APAF1: variants seen among roughly 807,000 people sequenced by gnomAD.
APAF1 encodes the protein apoptotic peptidase activating factor 1, also known as apoptotic protease-activating factor 1.
APAF1 carries 91 observed loss-of-function variants against 152.4 expected under a neutral mutation model. The ratio of observed to expected loss-of-function variants is 0.60; its 90% CI spans 0.50 to 0.71. The LOEUF (loss-of-function observed/expected upper bound fraction) is 0.71, where lower values mean the gene tolerates loss of function less well. Among genes scored for constraint, APAF1 ranks in the 30% least tolerant of loss-of-function variants. The probability of loss-of-function intolerance (pLI) is 0.00; values close to 1 mark genes in which losing one functional copy is unlikely to be tolerated. For synonymous variants in APAF1, 484 were observed against 494.1 expected, an observed-to-expected ratio of 0.98 and a Z score of 0.27; for missense variants, 1,283 against 1,472.0, an observed-to-expected ratio of 0.87 and a Z score of 2.10.
intron 20 of APAF1, among the ~76,000 whole-genome samples, chr12:98,710,186 T>TTG (rs1565888113): frequency 6.6e-6 from 1 of 151,232 alleles, no homozygotes; most frequent in Non-Finnish European, 1.5e-5. Flanking sequence ...AGGGTTTTTT[T>TTG]TTTTTTTTTT....
chr12:98,718,310 G>A (rs1167976348), intron 22 of APAF1, among the ~76,000 whole-genome samples: 1 of 151,850 alleles, frequency 6.6e-6, no homozygotes, highest in Non-Finnish European at 1.5e-5. Context: ...TCGGCTCACT[G>A]AAACCTCCAC....
chr12:98,659,241 G>A lies in APAF1; in HGVS notation c.608G>A (p.Cys203Tyr). 6.2e-7 allele frequency: 1 copy of A among 1,614,170 alleles called. No individual in the cohort carries two copies. Among genetic ancestry groups the A allele is most frequent in the East Asian group, 2.2e-5 (1 of 44,880 alleles). The change falls in exon 5 of 27, where the codon TGC (cysteine) becomes TAC (tyrosine). Residue 203 changes from cysteine to tyrosine, a missense_variant. Transcript: ENST00000551964. ...SGLLMKLQNL[C>Y]TRLDQDESFS... Reference sequence around the variant, plus strand: ...CTTCTGATGAAACTGCAGAATCTTTGCACACGGTTGGATCAGGATGAGAGT... The same window carrying A: ...CTTCTGATGAAACTGCAGAATCTTTACACACGGTTGGATCAGGATGAGAGT...
intron 12 of APAF1, 101 bp downstream of exon 12, chr12:98,671,820 C>CA: frequency 8.7e-7 from 1 of 1,146,178 alleles, no homozygotes; most frequent in Non-Finnish European, 1.3e-6. Context: ...TAACTACTTT[C>CA]GAAAGGGCTG....
chr12:98,681,017 C>T (rs552779382), intron 14 of APAF1, among the ~76,000 whole-genome samples: 1 of 152,220 alleles, frequency 6.6e-6, no homozygotes, highest in African/African-American at 2.4e-5. Flanking sequence ...CTAATAATTA[C>T]GTTACTGGTC....
intron 25 of APAF1, among the ~76,000 whole-genome samples, chr12:98,726,176 T>A (rs1027020938): frequency 1.3e-5 from 2 of 152,252 alleles, no homozygotes; most frequent in East Asian, 3.8e-4. Context: ...CAATCTATTT[T>A]TTTTAGATAT....
chr12:98,652,283 C>T (rs891099432), intron 4 of APAF1, among the ~76,000 whole-genome samples: 1 of 152,148 alleles, frequency 6.6e-6, no homozygotes, highest in African/African-American at 2.4e-5. Flanking sequence ...TATACAAATA[C>T]CAAATTTGAT....
At chr12:98,731,024 G>A (rs1316174984) in intron 26 of APAF1, among the ~76,000 whole-genome samples, 1 of 152,222 alleles carries the variant, frequency 6.6e-6, no homozygotes, top group Non-Finnish European at 1.5e-5. Flanking sequence ...GGTGTGCCAT[G>A]ACTTGGTGGC....
intron 21 of APAF1, among the ~76,000 whole-genome samples, chr12:98,715,093 G>T: frequency 6.9e-6 from 1 of 145,010 alleles, no homozygotes. Flanking sequence ...TTTTTTGGAG[G>T]GCAAGCCCAG....
chr12:98,686,464 T>C (rs2097698148), intron 15 of APAF1, among the ~76,000 whole-genome samples: 1 of 152,178 alleles, frequency 6.6e-6, no homozygotes, highest in Non-Finnish European at 1.5e-5. Flanking sequence ...AACCACTCCG[T>C]TGAAATAAGT....
intron 25 of APAF1, 124 bp downstream of exon 25, chr12:98,725,664 T>C: frequency 7.7e-7 from 1 of 1,294,366 alleles, no homozygotes; most frequent in Non-Finnish European, 1.1e-6. Flanking sequence ...GGATGAGGCA[T>C]TCTTTTTGTT....
At chr12:98,659,724 C>G (rs2097662406) in intron 5 of APAF1, among the ~76,000 whole-genome samples, 1 of 140,334 alleles carries the variant, frequency 7.1e-6, no homozygotes, top group Non-Finnish European at 1.5e-5. Flanking sequence ...TGCACTCTAG[C>G]CTGGGCAATA....
At chr12:98,714,579 G>C (rs2097731756) in intron 21 of APAF1, among the ~76,000 whole-genome samples, 1 of 152,182 alleles carries the variant, frequency 6.6e-6, no homozygotes, top group Non-Finnish European at 1.5e-5. Context: ...GTGCTCAACT[G>C]TTATGCTATC....
chr12:98,649,264 A>G (rs1266168776), intron 3 of APAF1: 1 of 966,582 alleles, frequency 1.0e-6, no homozygotes, highest in East Asian at 1.1e-4. Flanking sequence ...ATATAGATAG[A>G]AACTTCCATT....
At chr12:98,693,958 C>T (rs2097707146) in intron 16 of APAF1, among the ~76,000 whole-genome samples, 1 of 151,042 alleles carries the variant, frequency 6.6e-6, no homozygotes, top group Admixed American at 6.6e-5. Flanking sequence ...GCTTGAGTTC[C>T]TTATGAATTC....
At chr12:98,673,442 C>CAAAAAAAAAAAAAAA (rs1162049645) in intron 12 of APAF1, among the ~76,000 whole-genome samples, 1 of 89,256 alleles carries the variant, frequency 1.1e-5, no homozygotes. Context: ...TCTCAAAAAA[C>CAAAAAAAAAAAAAAA]AAAAAAAAAA....
In APAF1 at chr12:98,683,230, C is replaced by T. The variant is rs754439819; in HGVS notation, c.2134C>T (p.His712Tyr). Residue 712 changes from histidine (H) to tyrosine (Y), a missense_variant, in exon 15 of 27, where the codon CAT becomes TAT. Physicochemically the swap from His to Tyr is moderately conservative, Grantham distance 83 (BLOSUM62 2). Coordinates refer to ENST00000551964, the MANE Select transcript of APAF1 (RefSeq NM_181861.2). The stretch of plus-strand genomic sequence containing the variant: ...TTGCTGCCATTTCACCAACAGTAGT[C>T]ATCATCTTCTCTTAGCCACTGGGTC... The part of the protein sequence containing the change: ...VNCCHFTNSS[H>Y]HLLLATGSSD... The T allele has an allele frequency of 5.0e-6, 8 of 1,613,778 alleles. No homozygotes were observed. Among genetic ancestry groups the T allele is most frequent in the African/African-American group, 4.0e-5 (3 of 74,890 alleles).
chr12:98,650,328 CAAAA>C (rs1026036548), intron 4 of APAF1, among the ~76,000 whole-genome samples: 1 of 151,282 alleles, frequency 6.6e-6, no homozygotes, highest in Non-Finnish European at 1.5e-5. Flanking sequence ...ACCAAAAATA[CAAAA>C]AAAATCAGCT....
At chr12:98,727,120 C>T in intron 25 of APAF1, 53 bp from the exon 26 acceptor site, 2 of 1,575,466 alleles carry the variant, frequency 1.3e-6, no homozygotes, top group South Asian at 2.2e-5. Flanking sequence ...GTTTTAAAAC[C>T]AGAGAAGCTT....
intron 4 of APAF1, among the ~76,000 whole-genome samples, chr12:98,654,000 T>A (rs917870486): frequency 6.6e-6 from 1 of 151,978 alleles, no homozygotes; most frequent in African/African-American, 2.4e-5. Flanking sequence ...GTGAAAGTAG[T>A]GTGGAGTTTT....
Sources: allele counts gnomAD v4.1 joint callset (sites outside exome capture counted in the v4.1 genomes callset), GRCh38; gene constraint gnomAD v4.1.1; transcripts MANE v1.5; gene names NCBI Gene and HGNC (gene_info 2026-07-23, HGNC 2026-07-21).